SPAG16: variants seen among roughly 807,000 people sequenced by gnomAD.
SPAG16 encodes sperm associated antigen 16.
Under a neutral mutation model 80.4 loss-of-function variants are expected in SPAG16, and 86 were observed. The observed-to-expected ratio is 1.07, with a 90% confidence interval of 0.90 to 1.28. The LOEUF is 1.28. Among genes scored for constraint, SPAG16 ranks in the 50% most tolerant of loss-of-function variants. The pLI is 0.00. For missense variants in SPAG16, 870 were observed against 765.3 expected, an observed-to-expected ratio of 1.14 and a Z score of -1.61; for synonymous variants, 294 against 265.9, an observed-to-expected ratio of 1.11 and a Z score of -1.03.
At chr2:213,916,843 G>A (rs2077994400) in intron 11 of SPAG16, among the ~76,000 whole-genome samples, 1 of 152,070 alleles carries the variant, frequency 6.6e-6, no homozygotes, top group African/African-American at 2.4e-5. Flanking sequence ...ATTGCTTTTG[G>A]CATTTTTGTC....
At chr2:214,291,924 G>T (rs1290058874) in intron 15 of SPAG16, among the ~76,000 whole-genome samples, 1 of 152,178 alleles carries the variant, frequency 6.6e-6, no homozygotes, top group Non-Finnish European at 1.5e-5. Flanking sequence ...AGTCCCTTAA[G>T]CATTTCTTGT....
Position 213,852,260 on chromosome 2 carries a change from C to G in SPAG16, c.1071-10225C>G, listed in dbSNP as rs1575353621. Among the ~76,000 whole-genome samples, 3 of 152,366 alleles carry G rather than the reference C, an allele frequency of 2.0e-5. No homozygotes were observed. The South Asian group carries it at 6.2e-4, about 32-fold the overall frequency. ...TAGTTTAAATAGATCTGGGTTGCTACTGTACTCTCCAAGTTAGTGTCCTAG... is the reference window on the plus strand; with the variant it reads ...TAGTTTAAATAGATCTGGGTTGCTAGTGTACTCTCCAAGTTAGTGTCCTAG... On this transcript the variant is annotated intron_variant, in intron 10 of 15. Coordinates refer to ENST00000331683, the MANE Select transcript of SPAG16 (RefSeq NM_024532.5).
intron 10 of SPAG16, among the ~76,000 whole-genome samples, chr2:213,801,480 T>C (rs1048032088): frequency 2.6e-5 from 4 of 152,348 alleles, no homozygotes; most frequent in South Asian, 4.1e-4. Context: ...GTCAAATATA[T>C]ATTTTGCAAA....
intron 10 of SPAG16, among the ~76,000 whole-genome samples, chr2:213,804,614 C>A (rs1012970360): frequency 7.9e-5 from 12 of 152,110 alleles, no homozygotes. Flanking sequence ...ACCCTGGAGG[C>A]GGAGCTTGCA....
intron 10 of SPAG16, among the ~76,000 whole-genome samples, chr2:213,524,007 G>A (rs2075786692): frequency 6.6e-6 from 1 of 152,192 alleles, no homozygotes; most frequent in African/African-American, 2.4e-5. Context: ...ATGTCTCCAG[G>A]GCATGTCAGA....
intron 10 of SPAG16, among the ~76,000 whole-genome samples, chr2:213,678,070 G>T (rs372144629): frequency 4.0e-5 from 6 of 151,618 alleles, no homozygotes; most frequent in South Asian, 2.1e-4. Flanking sequence ...TTGAAACCAA[G>T]GAGAACAAAG....
At chr2:213,440,645 A>G (rs2070897609) in intron 9 of SPAG16, among the ~76,000 whole-genome samples, 1 of 152,214 alleles carries the variant, frequency 6.6e-6, no homozygotes, top group Admixed American at 6.5e-5. Context: ...TGGTTTATTC[A>G]TGAGAAGTGT....
intron 15 of SPAG16, among the ~76,000 whole-genome samples, chr2:214,335,693 T>C (rs751288582): frequency 4.6e-5 from 7 of 151,608 alleles, no homozygotes; most frequent in Non-Finnish European, 1.5e-5. Flanking sequence ...CATATAAATG[T>C]TTTTCTTTCC....
At chr2:213,894,107 T>C (rs766350956) in intron 11 of SPAG16, among the ~76,000 whole-genome samples, 1 of 152,076 alleles carries the variant, frequency 6.6e-6, no homozygotes, top group Non-Finnish European at 1.5e-5. Flanking sequence ...TTATATCAGA[T>C]AAAATAAACT....
At chr2:213,431,758 A>G (rs1003997107) in intron 9 of SPAG16, among the ~76,000 whole-genome samples, 1 of 152,124 alleles carries the variant, frequency 6.6e-6, no homozygotes, top group East Asian at 1.9e-4. Context: ...GACCTAACAT[A>G]CATTTATAGA....
chr2:213,936,695 C>T (rs529081766), intron 12 of SPAG16, among the ~76,000 whole-genome samples: 1 of 152,276 alleles, frequency 6.6e-6, no homozygotes, highest in South Asian at 2.1e-4. Context: ...GGCTCATTCT[C>T]CTTATACTGG....
intron 10 of SPAG16, among the ~76,000 whole-genome samples, chr2:213,579,848 A>G (rs781781475): frequency 5.3e-5 from 8 of 152,276 alleles, no homozygotes; most frequent in Non-Finnish European, 1.0e-4. Context: ...TCTAATATTA[A>G]TCAAGATGAC....
At chr2:213,953,968 G>C (rs1247467718) in intron 12 of SPAG16, among the ~76,000 whole-genome samples, 1 of 151,928 alleles carries the variant, frequency 6.6e-6, no homozygotes, top group East Asian at 1.9e-4. Context: ...CCATGCAATG[G>C]ATATAGATAG....
intron 10 of SPAG16, among the ~76,000 whole-genome samples, chr2:213,631,408 C>A (rs1383873849): frequency 2.0e-5 from 3 of 152,036 alleles, no homozygotes; most frequent in Non-Finnish European, 4.4e-5. Context: ...TGTATTAATT[C>A]GTTTAATTCT....
At chr2:214,072,678 CATTT>C (rs1034121580) in intron 13 of SPAG16, among the ~76,000 whole-genome samples, 4 of 152,016 alleles carry the variant, frequency 2.6e-5, no homozygotes, top group African/African-American at 9.6e-5. Flanking sequence ...TGAAAATAGA[CATTT>C]AAGATATTTA....
At chr2:213,350,414 T>A in intron 6 of SPAG16, 114 bp from the exon 7 acceptor site, 1 of 554,922 alleles carries the variant, frequency 1.8e-6, no homozygotes, top group Non-Finnish European at 3.1e-6. Context: ...TATATGATTA[T>A]TCATTTTTAT....
At chr2:214,048,637 A>G (rs888628154) in intron 13 of SPAG16, among the ~76,000 whole-genome samples, 56 of 152,170 alleles carry the variant, frequency 3.7e-4, no homozygotes, top group African/African-American at 1.3e-3. Flanking sequence ...AAGACCTAGT[A>G]TTTGCTAACA....
At chr2:213,864,256 A>C (rs2075598776) in intron 11 of SPAG16, among the ~76,000 whole-genome samples, 1 of 152,284 alleles carries the variant, frequency 6.6e-6, no homozygotes, top group Admixed American at 6.5e-5. Flanking sequence ...ATAGATTAAA[A>C]GTTGTTGGAA....
intron 15 of SPAG16, among the ~76,000 whole-genome samples, chr2:214,303,580 T>TC (rs1158609717): frequency 6.6e-6 from 1 of 152,212 alleles, no homozygotes; most frequent in Non-Finnish European, 1.5e-5. Flanking sequence ...CCTTAGATAG[T>TC]CTGAAGACGA....
Sources: gnomAD v4.1 joint callset for allele counts (sites outside exome capture counted in the v4.1 genomes callset) on GRCh38, gnomAD v4.1.1 for gene constraint, MANE v1.5 for transcripts, NCBI Gene and HGNC (gene_info 2026-07-23, HGNC 2026-07-21) for gene names.